The following TRA2A variants were observed in gnomAD, a reference collection of about 807,000 sequenced individuals.
The protein encoded by TRA2A is transformer-2 protein homolog alpha.
Under a neutral mutation model 45.7 loss-of-function variants are expected in TRA2A, and 31 were observed. The observed-to-expected ratio is 0.68, with a 90% CI of 0.51 to 0.92. TRA2A has a LOEUF of 0.92. TRA2A is among the 40% of genes least tolerant of loss of function. The probability of loss-of-function intolerance (pLI) is 0.00; values close to 1 mark genes in which losing one functional copy is unlikely to be tolerated. For synonymous variants in TRA2A, 132 were observed against 126.2 expected, an observed-to-expected ratio of 1.05 and a Z score of -0.31; for missense variants, 304 against 367.5, an observed-to-expected ratio of 0.83 and a Z score of 1.41.
chr7:23,516,466 T>A lies in TRA2A; in HGVS notation c.233A>T (p.His78Leu), dbSNP rs769537201. The A allele has an allele frequency of 6.2e-7, 1 of 1,612,072 alleles. No homozygotes were observed. The highest frequency in any genetic ancestry group is 1.3e-5 in the African/African-American group (1 of 75,020). Residue 78 changes from histidine to leucine, a missense_variant, in exon 3 of 8, where the codon CAT becomes CTT. Coordinates refer to ENST00000297071, the MANE Select transcript of TRA2A (RefSeq NM_013293.5). Reference protein sequence around the residue: ...YTRSRSHSHSHRRRSRSRSYT... With the variant: ...YTRSRSHSHSLRRRSRSRSYT... ...TGATCTACTTCGAGATCGTCTCCTA[T>A]GAGAGTGAGAGTGGGATCTGGATCG...
rs572225081 is a variant in TRA2A at position 23,527,906 on chromosome 7, A to C, written c.36+3883T>G. On this transcript the variant is annotated intron_variant, in intron 1 of 7. Transcript: ENST00000297071. Reference sequence around the variant, plus strand: ...CTCAAATATAAAAATTTGAGATTTTAATTTTTTTTAAGTTTACAAATTCTT... The same window carrying C: ...CTCAAATATAAAAATTTGAGATTTTCATTTTTTTTAAGTTTACAAATTCTT... Among the ~76,000 whole-genome samples, 12 of 152,302 alleles carry C rather than the reference A, an allele frequency of 7.9e-5. No individual in the cohort carries two copies. The East Asian group carries it at 2.3e-3, about 29-fold the overall frequency.
chr7:23,526,660 T>A (rs997589677), intron 1 of TRA2A, among the ~76,000 whole-genome samples: 1 of 152,138 alleles, frequency 6.6e-6, no homozygotes, highest in Non-Finnish European at 1.5e-5. Flanking sequence ...CCTATGAAGT[T>A]AAAGCAACAC....
chr7:23,521,586 G>A (rs2127998632), intron 2 of TRA2A, 121 bp downstream of exon 2: 2 of 1,150,212 alleles, frequency 1.7e-6, no homozygotes, highest in Non-Finnish European at 2.5e-6. Flanking sequence ...ACAAAGAGCA[G>A]TCTGAGAAAA....
In TRA2A at chr7:23,505,077, C is replaced by A. The variant is rs1789252265; in HGVS notation, c.*482G>T. ...CAAGCTTTTCATCTCTAAAAAAAAA[C>A]TTTCAACTACCTGACTGTTCCATTC... On this transcript the variant is annotated 3_prime_UTR_variant, in exon 8 of 8. Coordinates refer to ENST00000297071, the MANE Select transcript of TRA2A (RefSeq NM_013293.5). 6.5e-6 allele frequency: 1 copy of A among 152,796 alleles called. No homozygotes were observed. Among genetic ancestry groups the A allele is most frequent in the Admixed American group, 6.6e-5 (1 of 15,250 alleles). 9.5% of individuals were successfully genotyped at this position (152,796 alleles called of 1,614,324 possible). A position where few individuals can be genotyped will look rare whatever the true frequency, so the allele number is the denominator to read the frequency against.
At chr7:23,521,640 G>C (rs1249538396) in intron 2 of TRA2A, 67 bp downstream of exon 2, 3 of 1,561,884 alleles carry the variant, frequency 1.9e-6, no homozygotes, top group Non-Finnish European at 2.6e-6. Flanking sequence ...ACAAAATGCA[G>C]CCAACAACTG....
chr7:23,527,056 G>A (rs1429820526), intron 1 of TRA2A, among the ~76,000 whole-genome samples: 1 of 152,122 alleles, frequency 6.6e-6, no homozygotes, highest in East Asian at 1.9e-4. Flanking sequence ...AAAAACTAAT[G>A]TATAAGTGGC....
intron 4 of TRA2A, among the ~76,000 whole-genome samples, chr7:23,511,370 C>CAAA (rs567187750): frequency 2.2e-4 from 9 of 40,110 alleles, no homozygotes; most frequent in Non-Finnish European, 2.8e-4. Context: ...GACTCCATCT[C>CAAA]AAAAAAAAAA....
chr7:23,518,632 T>G (rs556851080), intron 2 of TRA2A, among the ~76,000 whole-genome samples: 1 of 148,556 alleles, frequency 6.7e-6, no homozygotes, highest in South Asian at 2.2e-4. Flanking sequence ...TGAGCCACCG[T>G]GCCCAGCCCA....
intron 2 of TRA2A, among the ~76,000 whole-genome samples, chr7:23,519,374 C>A (rs1016366735): frequency 6.6e-6 from 1 of 151,898 alleles, no homozygotes; most frequent in Non-Finnish European, 1.5e-5. Flanking sequence ...CAGAGTGAGA[C>A]TCCGTCTTCA....
At chr7:23,529,541 G>A (rs952517228) in intron 1 of TRA2A, among the ~76,000 whole-genome samples, 1 of 152,148 alleles carries the variant, frequency 6.6e-6, no homozygotes, top group South Asian at 2.1e-4. Context: ...GATTACAGGC[G>A]TGAGCCACTG....
intron 4 of TRA2A, 71 bp downstream of exon 4, chr7:23,512,823 G>T: frequency 3.3e-5 from 36 of 1,075,170 alleles, no homozygotes; most frequent in Non-Finnish European, 4.3e-5. Context: ...AATGTTTACA[G>T]AAATAAGTCT....
chr7:23,529,367 TCTC>T (rs1562803469), intron 1 of TRA2A, among the ~76,000 whole-genome samples: 1 of 152,092 alleles, frequency 6.6e-6, no homozygotes, highest in Non-Finnish European at 1.5e-5. Flanking sequence ...TTCAAGTAAT[TCTC>T]CTGCCTCAGC....
intron 3 of TRA2A, among the ~76,000 whole-genome samples, chr7:23,513,856 T>C (rs1180291326): frequency 6.6e-6 from 1 of 152,132 alleles, no homozygotes; most frequent in Non-Finnish European, 1.5e-5. Context: ...TTCAAACTTT[T>C]TAAAAGAGGC....
chr7:23,509,341 A>T (rs908389049), intron 4 of TRA2A, among the ~76,000 whole-genome samples: 1 of 152,210 alleles, frequency 6.6e-6, no homozygotes, highest in Non-Finnish European at 1.5e-5. Flanking sequence ...TTATATTATT[A>T]TCTTCACCAT....
At chr7:23,530,713 C>A (rs903769543) in intron 1 of TRA2A, among the ~76,000 whole-genome samples, 25 of 152,138 alleles carry the variant, frequency 1.6e-4, no homozygotes, top group African/African-American at 6.0e-4. Context: ...GTTTGTATTT[C>A]TCCGACCCCA....
In TRA2A at chr7:23,505,428, T is replaced by C. The variant is rs140080513; in HGVS notation, c.*131A>G. The C allele has an allele frequency of 0.013, 6,801 of 506,068 alleles. 78 individuals are homozygous for C. Among genetic ancestry groups the C allele is most frequent in the South Asian group, 0.028 (834 of 29,356 alleles). 31.3% of individuals were successfully genotyped at this position (506,068 alleles called of 1,614,324 possible). A position where few individuals can be genotyped will look rare whatever the true frequency, so the allele number is the denominator to read the frequency against. ...AACAGCAACACAACTGACAAAAGTG[T>C]AGATGCTAAATAAACCAAAGTTTTT... On this transcript the variant is annotated 3_prime_UTR_variant, in exon 8 of 8. Transcript: ENST00000297071.
At chr7:23,509,455 G>T (rs1015415823) in intron 4 of TRA2A, among the ~76,000 whole-genome samples, 2 of 152,158 alleles carry the variant, frequency 1.3e-5, no homozygotes, top group African/African-American at 4.8e-5. Flanking sequence ...ATCACTTTAG[G>T]CTGGGCGCGA....
At chr7:23,524,280 T>C (rs1790252840) in intron 1 of TRA2A, among the ~76,000 whole-genome samples, 1 of 152,012 alleles carries the variant, frequency 6.6e-6, no homozygotes, top group Non-Finnish European at 1.5e-5. Context: ...ACCTCCTGGG[T>C]TCAAGTGATT....
intron 7 of TRA2A, 32 bp downstream of exon 7, chr7:23,505,713 GT>G (rs1789300417): frequency 6.9e-7 from 1 of 1,446,386 alleles, no homozygotes; most frequent in Non-Finnish European, 9.4e-7. Context: ...TAGAAATGAG[GT>G]TTTTTATGCT....
Sources: gnomAD v4.1 joint callset for allele counts (sites outside exome capture counted in the v4.1 genomes callset) on GRCh38, gnomAD v4.1.1 for gene constraint, MANE v1.5 for transcripts, NCBI Gene and HGNC (gene_info 2026-07-23, HGNC 2026-07-21) for gene names.